The following NDST3 variants were observed in gnomAD, a reference collection of about 807,000 sequenced individuals.
NDST3 encodes the protein bifunctional heparan sulfate N-deacetylase/N-sulfotransferase 3.
Under a neutral mutation model 96.1 loss-of-function variants are expected in NDST3, and 58 were observed. The ratio of observed to expected loss-of-function variants is 0.60; its 90% CI spans 0.49 to 0.75. The LOEUF is 0.75. Ranked by LOEUF, NDST3 falls within the 30% of genes least tolerant of loss-of-function variation. The pLI is 0.00. For synonymous variants in NDST3, 333 were observed against 359.7 expected, an observed-to-expected ratio of 0.93 and a Z score of 0.84; for missense variants, 788 against 1,034.2, an observed-to-expected ratio of 0.76 and a Z score of 3.27.
intron 1 of NDST3, among the ~76,000 whole-genome samples, chr4:118,041,145 C>T (rs1429579539): frequency 6.6e-6 from 1 of 151,830 alleles, no homozygotes. Context: ...AATAGCTGCC[C>T]AATATGCATT....
At chr4:118,156,200 CTT>C (rs1191240107) in intron 6 of NDST3, among the ~76,000 whole-genome samples, 1 of 152,082 alleles carries the variant, frequency 6.6e-6, no homozygotes, top group East Asian at 1.9e-4. Context: ...TTGAACAAAA[CTT>C]TGTACTATCT....
At chr4:118,226,841 A>G (rs1739911885) in intron 7 of NDST3, 45 bp from the exon 8 acceptor site, 1 of 1,328,638 alleles carries the variant, frequency 7.5e-7, no homozygotes, top group East Asian at 2.3e-5. Flanking sequence ...CACAATGGAC[A>G]CATTCATGAA....
intron 8 of NDST3, among the ~76,000 whole-genome samples, chr4:118,230,290 C>T (rs1740184873): frequency 6.6e-6 from 1 of 152,050 alleles, no homozygotes; most frequent in Non-Finnish European, 1.5e-5. Flanking sequence ...ATTAGAAGTG[C>T]AGGCCAGGCA....
chr4:118,224,797 G>A, intron 7 of NDST3, 124 bp downstream of exon 7: 1 of 772,082 alleles, frequency 1.3e-6, no homozygotes, highest in Non-Finnish European at 2.0e-6. Flanking sequence ...TAGTAAATTT[G>A]AGAAACTACT....
chr4:118,161,962 A>G (rs6842393), intron 6 of NDST3, among the ~76,000 whole-genome samples: 124,094 of 152,070 alleles, frequency 0.82, 52,946 homozygotes, highest in South Asian at 0.95. Context: ...CGTCTTCTGC[A>G]TCGCTCACGC....
chr4:118,201,707 T>G (rs936987728), intron 6 of NDST3, among the ~76,000 whole-genome samples: 1 of 152,224 alleles, frequency 6.6e-6, no homozygotes. Context: ...ATGCATAGTT[T>G]GCAGATATCG....
intron 4 of NDST3, among the ~76,000 whole-genome samples, chr4:118,137,472 A>C (rs1733203935): frequency 6.6e-6 from 1 of 152,158 alleles, no homozygotes; most frequent in African/African-American, 2.4e-5. Context: ...ACTTCAAAAA[A>C]AATTACTCTG....
At chr4:118,054,947 A>G in intron 2 of NDST3, 56 bp downstream of exon 2, 1 of 1,590,208 alleles carries the variant, frequency 6.3e-7, no homozygotes, top group African/African-American at 1.3e-5. Context: ...GCAGGGATAC[A>G]ACTATCCCAG....
At chr4:118,121,906 T>C (rs565105480) in intron 4 of NDST3, among the ~76,000 whole-genome samples, 2 of 152,342 alleles carry the variant, frequency 1.3e-5, no homozygotes, top group South Asian at 2.1e-4. Flanking sequence ...GTGGTTTTGA[T>C]TGGAATTCTT....
intron 6 of NDST3, chr4:118,193,884 C>T: frequency 9.6e-7 from 1 of 1,042,106 alleles, no homozygotes; most frequent in Non-Finnish European, 1.5e-6. Context: ...TCATATTCTA[C>T]CCAGGACACA....
intron 2 of NDST3, among the ~76,000 whole-genome samples, chr4:118,068,032 T>C (rs1183547652): frequency 6.6e-6 from 1 of 152,032 alleles, no homozygotes; most frequent in East Asian, 1.9e-4. Context: ...TATCTTTGTT[T>C]TCAAGCCATC....
intron 4 of NDST3, among the ~76,000 whole-genome samples, chr4:118,134,771 G>A (rs569230045): frequency 9.9e-5 from 15 of 152,224 alleles, no homozygotes; most frequent in Admixed American, 2.6e-4. Context: ...CTTCATTTAC[G>A]TTTTATAGTT....
chr4:118,184,300 T>C (rs28648504), intron 6 of NDST3, among the ~76,000 whole-genome samples: 7,580 of 152,234 alleles, frequency 0.05, 374 homozygotes, highest in African/African-American at 0.12. Flanking sequence ...TGCAGGTATT[T>C]CTTTAGATGA....
chr4:118,184,649 T>C (rs964639478), intron 6 of NDST3, among the ~76,000 whole-genome samples: 2 of 122,574 alleles, frequency 1.6e-5, no homozygotes, highest in Admixed American at 1.8e-4. Flanking sequence ...ACACATATTC[T>C]CTGTCTCTGT....
Position 118,053,770 on chromosome 4 carries a change from G to C in NDST3, c.-141G>C. The C allele has an allele frequency of 1.2e-6, 1 of 832,510 alleles. No individual in the cohort carries two copies. Among genetic ancestry groups the C allele is most frequent in the East Asian group, 2.6e-5 (1 of 37,980 alleles). The allele number at this position is 832,510 out of a possible 1,614,324, so 51.6% of individuals were successfully genotyped here. A position where few individuals can be genotyped will look rare whatever the true frequency, so the allele number is the denominator to read the frequency against. On this transcript the variant is annotated 5_prime_UTR_variant, in exon 2 of 14. Coordinates refer to ENST00000296499, the MANE Select transcript of NDST3 (RefSeq NM_004784.3). ...CTATTTTTCAGACTGTATTTTCTGT[G>C]AGTCCTGATCAAGTGATACAAATGA...
At chr4:118,095,710 A>G (rs1315779252) in intron 2 of NDST3, among the ~76,000 whole-genome samples, 1 of 151,676 alleles carries the variant, frequency 6.6e-6, no homozygotes, top group Non-Finnish European at 1.5e-5. Context: ...AAAGGAACCC[A>G]TCCTCATTAA....
At chr4:118,139,323 G>GTAT (rs1199165108) in intron 5 of NDST3, among the ~76,000 whole-genome samples, 2 of 152,152 alleles carry the variant, frequency 1.3e-5, no homozygotes, top group Non-Finnish European at 2.9e-5. Flanking sequence ...ATTTTTATCT[G>GTAT]TATTATAAAT....
At chr4:118,078,963 A>G (rs770874498) in intron 2 of NDST3, among the ~76,000 whole-genome samples, 4 of 152,196 alleles carry the variant, frequency 2.6e-5, no homozygotes, top group Non-Finnish European at 5.9e-5. Flanking sequence ...TACTGTGAAC[A>G]TAACATGTAC....
Position 118,138,121 on chromosome 4 carries a change from A to C in NDST3, c.1292A>C (p.His431Pro). The change falls in exon 5 of 14, where the codon CAT becomes CCT. Residue 431 changes from histidine (H) to proline (P), a missense_variant. Physicochemically the swap from His to Pro is moderately conservative, Grantham distance 77. Transcript: ENST00000296499. ...APHHSGVYPVHVQLYEAWKKV... is the reference protein window; with the variant it reads ...APHHSGVYPVPVQLYEAWKKV... Reference sequence around the variant, plus strand: ...CACCATTCGGGCGTCTACCCTGTACATGTTCAGCTTTATGAGGCCTGGAAG... The same window carrying C: ...CACCATTCGGGCGTCTACCCTGTACCTGTTCAGCTTTATGAGGCCTGGAAG... 6.2e-7 allele frequency: 1 copy of C among 1,614,024 alleles called. No individual in the cohort carries two copies. Among genetic ancestry groups the C allele is most frequent in the Non-Finnish European group, 8.5e-7 (1 of 1,179,956 alleles).
Sources: allele counts gnomAD v4.1 joint callset (sites outside exome capture counted in the v4.1 genomes callset), GRCh38; gene constraint gnomAD v4.1.1; transcripts MANE v1.5; gene names NCBI Gene and HGNC (gene_info 2026-07-23, HGNC 2026-07-21).